The following ZSCAN25 variants were observed in gnomAD, a reference collection of about 807,000 sequenced individuals.
The protein encoded by ZSCAN25 is zinc finger and SCAN domain-containing protein 25.
In ZSCAN25, 27 loss-of-function variants were observed where a neutral mutation model predicts 38.7. The ratio of observed to expected loss-of-function variants is 0.70; its 90% CI spans 0.51 to 0.96. The LOEUF (loss-of-function observed/expected upper bound fraction) is 0.96, where lower values mean the gene tolerates loss of function less well. Among genes scored for constraint, ZSCAN25 ranks in the 40% least tolerant of loss-of-function variants. The probability of loss-of-function intolerance (pLI) is 0.00; values close to 1 mark genes in which losing one functional copy is unlikely to be tolerated. For synonymous variants in ZSCAN25, 273 were observed against 277.7 expected, an observed-to-expected ratio of 0.98 and a Z score of 0.17; for missense variants, 637 against 705.9, an observed-to-expected ratio of 0.90 and a Z score of 1.11.
At chr7:99,653,343 C>A in the ZSCAN25 span, among the ~76,000 whole-genome samples, 31 of 152,088 alleles carry the variant, frequency 2.0e-4, no homozygotes, top group African/African-American at 7.2e-4. This position sits in a 1 kb window ranked among gnomAD's most constrained non-coding sequence, Gnocchi z 4.2. Flanking sequence ...TCCAGCTACT[C>A]AGGAGACAGA....
At chr7:99,697,104 C>T in the ZSCAN25 span, among the ~76,000 whole-genome samples, 3 of 152,122 alleles carry the variant, frequency 2.0e-5, no homozygotes, top group East Asian at 1.9e-4. Flanking sequence ...TTCTTTACAG[C>T]GATGTAGGAA....
At chr7:99,720,338 C>T in the ZSCAN25 span, 1 of 1,613,456 alleles carries the variant, frequency 6.2e-7, no homozygotes, top group Non-Finnish European at 8.5e-7. Context: ...GACAGAATAA[C>T]ATTCTTTCAC....
At chr7:99,720,666 A>G in the ZSCAN25 span, 3 of 417,298 alleles carry the variant, frequency 7.2e-6, no homozygotes, top group East Asian at 8.9e-5. Context: ...GAGCTCTTCA[A>G]AGAGATTGTG....
At chr7:99,622,297 C>A in intron 5 of ZSCAN25, 1 of 529,140 alleles carries the variant, frequency 1.9e-6, no homozygotes, top group South Asian at 2.2e-5. Context: ...CATGGGTAGC[C>A]CTGGACGGAC....
At chr7:99,730,338 G>T in the ZSCAN25 span, among the ~76,000 whole-genome samples, 2 of 152,120 alleles carry the variant, frequency 1.3e-5, no homozygotes, top group African/African-American at 4.8e-5. Flanking sequence ...AAATATCTGA[G>T]GTTAATAGAC....
chr7:99,715,400 A>AATAATACAG, the ZSCAN25 span: 2 of 288,756 alleles, frequency 6.9e-6, no homozygotes, highest in Non-Finnish European at 1.3e-5. Flanking sequence ...GAAGAAAGAA[A>AATAATACAG]ATAATACAGA....
At chr7:99,696,759 G>T in the ZSCAN25 span, among the ~76,000 whole-genome samples, 1 of 152,204 alleles carries the variant, frequency 6.6e-6, no homozygotes, top group African/African-American at 2.4e-5. Flanking sequence ...ATGTGGAAAT[G>T]TAATCCCCAA....
Position 99,631,184 on chromosome 7 carries a change from C to A in ZSCAN25, c.*1164C>A, listed in dbSNP as rs1161800232. ...TATTCATTGCTTTGTCAGCATCTTG[C>A]CCTGAAATGCATTTGTCACCTACCT... On this transcript the variant is annotated 3_prime_UTR_variant, in exon 8 of 8. Transcript: ENST00000394152. 2 of 985,304 alleles carry A rather than the reference C, an allele frequency of 2.0e-6. No homozygotes were observed. Among genetic ancestry groups the A allele is most frequent in the African/African-American group, 3.5e-5 (2 of 57,236 alleles). 61.0% of individuals were successfully genotyped at this position (985,304 alleles called of 1,614,324 possible).
the ZSCAN25 span, chr7:99,734,925 C>T: frequency 2.5e-5 from 40 of 1,580,004 alleles, no homozygotes; most frequent in Non-Finnish European, 3.2e-5. Context: ...CCAGCCTGAA[C>T]ATCCTTTTTG....
chr7:99,734,329 C>G, the ZSCAN25 span, among the ~76,000 whole-genome samples: 13 of 152,204 alleles, frequency 8.5e-5, no homozygotes, highest in Admixed American at 2.6e-4. Context: ...TTCTCTCCAC[C>G]TGCTCTAGGA....
chr7:99,624,000 C>T, intron 6 of ZSCAN25, 57 bp from the exon 7 acceptor site: 1 of 1,611,150 alleles, frequency 6.2e-7, no homozygotes, highest in African/African-American at 1.3e-5. Flanking sequence ...CAGACATGAG[C>T]CACTGTCTCT....
chr7:99,710,124 C>T, the ZSCAN25 span, among the ~76,000 whole-genome samples: 5 of 152,294 alleles, frequency 3.3e-5, no homozygotes, highest in South Asian at 8.3e-4. Context: ...AGCCCAAAAG[C>T]CATGTCTCTT....
the ZSCAN25 span, among the ~76,000 whole-genome samples, chr7:99,637,581 G>T: frequency 6.6e-5 from 10 of 152,250 alleles, no homozygotes; most frequent in East Asian, 1.9e-3. Flanking sequence ...ACATTTCAGA[G>T]AACTTCTTAC....
At chr7:99,699,911 G>A in the ZSCAN25 span, 6 of 1,203,184 alleles carry the variant, frequency 5.0e-6, 1 homozygote, top group South Asian at 7.2e-5. Flanking sequence ...AGGGGCCTGA[G>A]TAGCACCCCA....
chr7:99,720,234 G>T, the ZSCAN25 span: 1 of 1,556,208 alleles, frequency 6.4e-7, no homozygotes, highest in Non-Finnish European at 8.7e-7. Context: ...TTAGGCAACT[G>T]TCTATGAATA....
chr7:99,724,142 TCACTATGGGCAACCTTCCAGCCTC>T, the ZSCAN25 span, among the ~76,000 whole-genome samples: 1 of 152,154 alleles, frequency 6.6e-6, no homozygotes, highest in African/African-American at 2.4e-5. Flanking sequence ...CTTGCCCCCT[TCACTATGGGCAACCTTCCAGCCTC>T]CACTCCCTCT....
At chr7:99,720,193 G>A in the ZSCAN25 span, 4 of 1,237,480 alleles carry the variant, frequency 3.2e-6, no homozygotes, top group Non-Finnish European at 4.6e-6. Flanking sequence ...TGGGCAGGAT[G>A]AAGTGTACAT....
the ZSCAN25 span, among the ~76,000 whole-genome samples, chr7:99,675,557 G>A: frequency 8.6e-4 from 127 of 147,624 alleles, no homozygotes; most frequent in Non-Finnish European, 1.6e-3. Flanking sequence ...TCCCTCCAGG[G>A]GTAAACCTGG....
chr7:99,731,501 G>T, the ZSCAN25 span, among the ~76,000 whole-genome samples: 1 of 152,134 alleles, frequency 6.6e-6, no homozygotes, highest in Non-Finnish European at 1.5e-5. Flanking sequence ...TTAGTAAGTG[G>T]ACTCTTCCCT....
Sources: allele counts gnomAD v4.1 joint callset (sites outside exome capture counted in the v4.1 genomes callset), GRCh38; gene constraint gnomAD v4.1.1; non-coding constraint Gnocchi (gnomAD v3.1); transcripts MANE v1.5; gene names NCBI Gene and HGNC (gene_info 2026-07-23, HGNC 2026-07-21).